The following KIRREL3 variants were observed in gnomAD, a reference collection of about 807,000 sequenced individuals.
KIRREL3 encodes kirre like nephrin family adhesion molecule 3.
In KIRREL3, 36 loss-of-function variants were observed where a neutral mutation model predicts 89.7. That is an observed-to-expected ratio of 0.40 (90% CI 0.31 to 0.53). The LOEUF (loss-of-function observed/expected upper bound fraction) is 0.53. Ranked by LOEUF, KIRREL3 falls within the 20% of genes least tolerant of loss-of-function variation. KIRREL3 has a pLI of 0.49. For missense variants in KIRREL3, 864 were observed against 1,056.6 expected (o/e 0.82, Z 2.53); for synonymous variants, 445 against 441.4 (o/e 1.01, Z -0.10).
At chr11:126,915,167 T>C (rs1784336) in intron 1 of KIRREL3, among the ~76,000 whole-genome samples, 97,554 of 152,074 alleles carry the variant, frequency 0.64, 32,812 homozygotes, top group Middle Eastern at 0.84. Context: ...AATCTTCCCT[T>C]CAGAATCTGT....
chr11:126,968,746 C>A (rs1565465164), intron 1 of KIRREL3, among the ~76,000 whole-genome samples: 1 of 152,084 alleles, frequency 6.6e-6, no homozygotes, highest in South Asian at 2.1e-4. Context: ...TCACTCAATC[C>A]CAGGTGCAGG....
chr11:126,654,409 C>T (rs1317111498), intron 1 of KIRREL3, among the ~76,000 whole-genome samples: 2 of 150,212 alleles, frequency 1.3e-5, no homozygotes, highest in Admixed American at 6.7e-5. Flanking sequence ...GCAGCTTCTC[C>T]TTTTCTCCTA....
intron 7 of KIRREL3, among the ~76,000 whole-genome samples, chr11:126,451,525 GGTGCATGTGTGAGAGT>G (rs1463377521): frequency 8.7e-6 from 1 of 115,596 alleles, no homozygotes; most frequent in Non-Finnish European, 1.8e-5. Flanking sequence ...TTTGTGAGTG[GGTGCATGTGTGAGAGT>G]GTGCATGTGT....
intron 1 of KIRREL3, among the ~76,000 whole-genome samples, chr11:126,583,298 C>G (rs1447542034): frequency 6.6e-6 from 1 of 152,188 alleles, no homozygotes; most frequent in East Asian, 1.9e-4. Context: ...GGGCAATAAG[C>G]CATCTTTCTA....
chr11:126,824,227 A>C (rs1592180538), intron 1 of KIRREL3, among the ~76,000 whole-genome samples: 2 of 152,324 alleles, frequency 1.3e-5, no homozygotes, highest in South Asian at 4.1e-4. Context: ...GAGACAAACA[A>C]GCATTCTCAT....
chr11:126,499,884 GTTGT>G (rs1957798486), intron 4 of KIRREL3, among the ~76,000 whole-genome samples: 1 of 152,216 alleles, frequency 6.6e-6, no homozygotes, highest in African/African-American at 2.4e-5. Context: ...ATGGTAGTGA[GTTGT>G]TTATGTCTTC....
chr11:126,480,677 G>C (rs751593970), intron 4 of KIRREL3, among the ~76,000 whole-genome samples: 1 of 152,212 alleles, frequency 6.6e-6, no homozygotes, highest in East Asian at 1.9e-4. Context: ...CCTGTCCCAG[G>C]GGGCATTCAG....
intron 1 of KIRREL3, among the ~76,000 whole-genome samples, chr11:126,922,014 CTTCCT>C (rs1382623511): frequency 9.7e-5 from 13 of 134,034 alleles, no homozygotes; most frequent in African/African-American, 3.9e-4. Context: ...TATCATCTAT[CTTCCT>C]ATCTATCTTC....
At chr11:126,726,097 C>T (rs1948368271) in intron 1 of KIRREL3, among the ~76,000 whole-genome samples, 1 of 152,144 alleles carries the variant, frequency 6.6e-6, no homozygotes, top group Non-Finnish European at 1.5e-5. Context: ...TCCCTCCATT[C>T]TAACCCCCTG....
rs774620771 is a variant in KIRREL3, at chr11:126,440,602, G to A, written c.1253-53C>T. 3.4e-6 allele frequency: 5 copies of A among 1,483,298 alleles called. No individual in the cohort carries two copies. In the African/African-American group the frequency reaches 5.6e-5, roughly 17 times the overall value. The allele number at this position is 1,483,298 out of a possible 1,614,324, so 91.9% of individuals were successfully genotyped here. A position where few individuals can be genotyped will look rare whatever the true frequency, so the allele number is the denominator to read the frequency against. ...ACCCGGGAAGGGCACGTCCCTGCTG[G>A]CGCCCTCTTGGGTGGGTTCAGAAGT... On this transcript the variant is annotated intron_variant, in intron 10 of 16. Transcript: ENST00000525144.
In KIRREL3 at chr11:126,705,446, C is replaced by T. The variant is rs926229839; in HGVS notation, c.56-142534G>A. ...GAGACCTCTCCTTCCCTCTCTCTTG[C>T]ACCTTCTCTCCCCATGTGATGTACC... On this transcript the variant is annotated intron_variant, in intron 1 of 16. Transcript: ENST00000525144. This position sits in a 1 kb window ranked among gnomAD's most constrained non-coding sequence, Gnocchi z 4.3. 1.3e-5 allele frequency among the ~76,000 whole-genome samples: 2 copies of T among 152,104 alleles called. No homozygotes were observed. Among genetic ancestry groups the T allele is most frequent in the African/African-American group, 4.8e-5 (2 of 41,414 alleles).
intron 1 of KIRREL3, among the ~76,000 whole-genome samples, chr11:126,914,112 G>A (rs891735665): frequency 3.9e-5 from 6 of 152,174 alleles, no homozygotes; most frequent in East Asian, 1.9e-4. Flanking sequence ...GAATGCAAGC[G>A]TCTGATTTGG....
intron 1 of KIRREL3, among the ~76,000 whole-genome samples, chr11:126,846,383 TTTAA>T (rs1386207690): frequency 2.6e-5 from 4 of 152,210 alleles, no homozygotes; most frequent in African/African-American, 9.6e-5. Context: ...ATGAAAGAGC[TTTAA>T]TTAATTCGTT....
chr11:126,521,543 A>G lies in KIRREL3; in HGVS notation c.284-79T>C. 2 of 1,334,344 alleles carry G rather than the reference A, an allele frequency of 1.5e-6. No homozygotes were observed. The highest frequency in any genetic ancestry group is 2.0e-6 in the Non-Finnish European group (2 of 983,656). 82.7% of individuals were successfully genotyped at this position (1,334,344 alleles called of 1,614,324 possible). Reference sequence around the variant, plus strand: ...ATGACAAAGAGGCACAGAATGGAGGACCCAAGCAGGGGCCATTCTACAAGG... The same window carrying G: ...ATGACAAAGAGGCACAGAATGGAGGGCCCAAGCAGGGGCCATTCTACAAGG... On this transcript the variant is annotated intron_variant, in intron 3 of 16. Coordinates refer to ENST00000525144, the MANE Select transcript of KIRREL3 (RefSeq NM_032531.4). The surrounding 1 kb of genome is among the most constrained non-coding windows in gnomAD (Gnocchi z 4.1).
At chr11:126,493,654 CAAAAAAAA>C (rs5795499) in intron 4 of KIRREL3, among the ~76,000 whole-genome samples, 3 of 82,234 alleles carry the variant, frequency 3.6e-5, no homozygotes, top group Non-Finnish European at 6.5e-5. Flanking sequence ...GACTCTGTCT[CAAAAAAAA>C]AAAAAAAAAA....
rs1014536396 is a variant in KIRREL3 at position 126,704,586 on chromosome 11, C to T, written c.56-141674G>A. ...TGTGTTGTGTGTCCCTGTACACGTG[C>T]GTATTTGGCTCAGGCTGACTTTCCA... is the stretch of plus-strand genomic sequence containing the variant. On this transcript the variant is annotated intron_variant, in intron 1 of 16. Transcript: ENST00000525144. This position sits in a 1 kb window ranked among gnomAD's most constrained non-coding sequence, Gnocchi z 4.2. 5.9e-5 allele frequency among the ~76,000 whole-genome samples: 9 copies of T among 152,136 alleles called. No homozygotes were observed. The highest frequency in any genetic ancestry group is 1.0e-4 in the Non-Finnish European group (7 of 68,022).
At chr11:126,737,410 T>A (rs1948839105) in intron 1 of KIRREL3, among the ~76,000 whole-genome samples, 1 of 151,578 alleles carries the variant, frequency 6.6e-6, no homozygotes, top group Admixed American at 6.6e-5. Context: ...CTGTCATGCC[T>A]GCATCACTGC....
chr11:126,849,209 C>T (rs978260534), intron 1 of KIRREL3, among the ~76,000 whole-genome samples: 5 of 152,166 alleles, frequency 3.3e-5, no homozygotes, highest in African/African-American at 1.2e-4. Context: ...TCTGGTCGTC[C>T]TCACTGCTAC....
In KIRREL3 at chr11:126,734,851, T is replaced by A. The variant is rs1482427279; in HGVS notation, c.56-171939A>T. ...TTCTGAACGATTCTTGAAGAATGAA[T>A]GGGAGTTAGGGGTGGTTGGGGAGGA... On this transcript the variant is annotated intron_variant, in intron 1 of 16. Coordinates refer to ENST00000525144, the MANE Select transcript of KIRREL3 (RefSeq NM_032531.4). The surrounding 1 kb of genome is among the most constrained non-coding windows in gnomAD (Gnocchi z 5.9). Among the ~76,000 whole-genome samples the A allele has an allele frequency of 6.6e-6, 1 of 152,020 alleles. No homozygotes were observed. The highest frequency in any genetic ancestry group is 1.9e-4 in the East Asian group (1 of 5,178).
Sources: gnomAD v4.1 joint callset for allele counts (sites outside exome capture counted in the v4.1 genomes callset) on GRCh38, gnomAD v4.1.1 for gene constraint, Gnocchi (gnomAD v3.1) non-coding constraint, MANE v1.5 for transcripts, NCBI Gene and HGNC (gene_info 2026-07-23, HGNC 2026-07-21) for gene names.